Variants in GRIA4 observed in about 807,000 individuals in gnomAD.
GRIA4 encodes glutamate ionotropic receptor AMPA type subunit 4.
In GRIA4, 34 loss-of-function variants were observed where a neutral mutation model predicts 104.0. That is an observed-to-expected ratio of 0.33 (90% CI 0.25 to 0.44). The LOEUF (loss-of-function observed/expected upper bound fraction) is 0.44. GRIA4 is among the 20% of genes least tolerant of loss of function. The pLI is 1.00. For synonymous variants in GRIA4, 386 were observed against 381.9 expected (o/e 1.01, Z -0.13); for missense variants, 750 against 1,096.5 (o/e 0.68, Z 4.46).
intron 4 of GRIA4, among the ~76,000 whole-genome samples, chr11:105,852,769 T>TTAAGAACCAGAATTC (rs750447854): frequency 3.2e-5 from 4 of 126,102 alleles, no homozygotes; most frequent in Admixed American, 1.9e-4. Context: ...TCCTGTGTTT[T>TTAAGAACCAGAATTC]TTCCTGCTAG....
chr11:105,639,107 T>C (rs745458876), intron 3 of GRIA4, among the ~76,000 whole-genome samples: 2 of 152,140 alleles, frequency 1.3e-5, no homozygotes, highest in Non-Finnish European at 2.9e-5. Flanking sequence ...TTACTTGGAA[T>C]GGGAATACTT....
At chr11:105,773,084 G>C (rs1941287021) in intron 4 of GRIA4, among the ~76,000 whole-genome samples, 1 of 152,114 alleles carries the variant, frequency 6.6e-6, no homozygotes, top group Non-Finnish European at 1.5e-5. Flanking sequence ...TTGCTAAATA[G>C]TGTCAATTTC....
At chr11:105,785,789 A>C (rs562828945) in intron 4 of GRIA4, among the ~76,000 whole-genome samples, 4 of 152,316 alleles carry the variant, frequency 2.6e-5, no homozygotes, top group African/African-American at 9.6e-5. Context: ...TCTTGGTTTA[A>C]TCTGTATAAA....
intron 4 of GRIA4, among the ~76,000 whole-genome samples, chr11:105,836,936 A>G (rs1394692464): frequency 6.6e-6 from 1 of 152,136 alleles, no homozygotes; most frequent in African/African-American, 2.4e-5. Flanking sequence ...CCATTCTCAC[A>G]CTGCTATAAA....
intron 3 of GRIA4, among the ~76,000 whole-genome samples, chr11:105,636,658 T>C (rs532432209): frequency 2.2e-4 from 33 of 152,318 alleles, no homozygotes; most frequent in South Asian, 1.9e-3. Flanking sequence ...CATATGGTGA[T>C]ACTTCCTCAC....
intron 10 of GRIA4, chr11:105,912,005 G>T (rs1947263058): frequency 7.7e-7 from 1 of 1,301,864 alleles, no homozygotes; most frequent in Non-Finnish European, 1.0e-6. Flanking sequence ...TTTTCATGTG[G>T]GATTCTTCTT....
chr11:105,793,217 C>G (rs181278588), intron 4 of GRIA4, among the ~76,000 whole-genome samples: 1 of 152,058 alleles, frequency 6.6e-6, no homozygotes, highest in East Asian at 1.9e-4. Flanking sequence ...TAGACAAGGC[C>G]GATGGAGTGA....
rs980018394 is a variant in GRIA4, at chr11:105,621,382, CT to C, written c.247+8959del. Among the ~76,000 whole-genome samples the C allele has an allele frequency of 4.4e-3, 636 of 146,088 alleles. 2 individuals carry two copies. The highest frequency in any genetic ancestry group is 0.014 in the African/African-American group (557 of 40,180). ...ACAGTTTGCTAGGGATCTTTCCAGA[CT>C]TTTTTTTTTTCTGTATAGACCTAGA... On this transcript the variant is annotated intron_variant, in intron 3 of 16. Coordinates refer to ENST00000282499, the MANE Select transcript of GRIA4 (RefSeq NM_000829.4).
At chr11:105,844,866 A>T (rs1389753955) in intron 4 of GRIA4, among the ~76,000 whole-genome samples, 2 of 152,190 alleles carry the variant, frequency 1.3e-5, no homozygotes, top group Non-Finnish European at 2.9e-5. Flanking sequence ...GTGTTTCTCT[A>T]TGCAGGCTTC....
intron 10 of GRIA4, among the ~76,000 whole-genome samples, chr11:105,911,531 A>T (rs1947234253): frequency 6.6e-6 from 1 of 151,392 alleles, no homozygotes. Context: ...TTTTAGTTTC[A>T]GGTTTTTAGT....
intron 4 of GRIA4, among the ~76,000 whole-genome samples, chr11:105,762,198 A>G (rs1940691915): frequency 6.6e-6 from 1 of 151,472 alleles, no homozygotes; most frequent in Non-Finnish European, 1.5e-5. Context: ...TAATTTTTGT[A>G]TTTTTAGTAG....
intron 6 of GRIA4, among the ~76,000 whole-genome samples, 176 bp from the exon 7 acceptor site, chr11:105,898,093 A>C (rs1020063046): frequency 3.3e-5 from 5 of 152,178 alleles, no homozygotes; most frequent in African/African-American, 1.2e-4. Context: ...ACAGAATTTA[A>C]CAGCTAAATA....
intron 3 of GRIA4, among the ~76,000 whole-genome samples, chr11:105,639,431 A>G (rs1204073593): frequency 6.6e-6 from 1 of 152,034 alleles, no homozygotes; most frequent in Admixed American, 6.6e-5. Context: ...CATCGCAGTC[A>G]TATTTCCTAT....
intron 3 of GRIA4, among the ~76,000 whole-genome samples, chr11:105,710,613 T>C (rs1262229069): frequency 6.6e-6 from 1 of 152,190 alleles, no homozygotes; most frequent in Non-Finnish European, 1.5e-5. Flanking sequence ...ATACAAAACA[T>C]CTGGAGAAAG....
chr11:105,744,917 A>G (rs1399438383), intron 3 of GRIA4, among the ~76,000 whole-genome samples: 2 of 152,128 alleles, frequency 1.3e-5, no homozygotes, highest in Non-Finnish European at 2.9e-5. Flanking sequence ...TGATTCCTTC[A>G]TAATAACATT....
intron 14 of GRIA4, among the ~76,000 whole-genome samples, chr11:105,942,941 G>C (rs545132552): frequency 2.0e-5 from 3 of 152,240 alleles, no homozygotes; most frequent in South Asian, 4.1e-4. Flanking sequence ...AAGTAGAAGA[G>C]ATTCTCACAT....
At chr11:105,848,010 A>G (rs968701624) in intron 4 of GRIA4, among the ~76,000 whole-genome samples, 1 of 152,220 alleles carries the variant, frequency 6.6e-6, no homozygotes, top group Non-Finnish European at 1.5e-5. Flanking sequence ...ATTTTGGATA[A>G]TGTCTTCCAA....
chr11:105,669,727 T>C (rs1190625073), intron 3 of GRIA4, among the ~76,000 whole-genome samples: 1 of 152,172 alleles, frequency 6.6e-6, no homozygotes, highest in Non-Finnish European at 1.5e-5. Context: ...TGCCAGCTCA[T>C]ATTAGGTAGG....
chr11:105,838,303 T>C (rs1439054566), intron 4 of GRIA4, among the ~76,000 whole-genome samples: 3 of 152,142 alleles, frequency 2.0e-5, no homozygotes, highest in Non-Finnish European at 4.4e-5. Context: ...TTTTATTTCA[T>C]TCTGTATAGA....
Sources: gnomAD v4.1 joint callset for allele counts (sites outside exome capture counted in the v4.1 genomes callset) on GRCh38, gnomAD v4.1.1 for gene constraint, MANE v1.5 for transcripts, NCBI Gene and HGNC (gene_info 2026-07-23, HGNC 2026-07-21) for gene names.